The following RIMS1 variants were observed in gnomAD, a reference collection of about 807,000 sequenced individuals.
RIMS1 encodes the protein regulating synaptic membrane exocytosis 1, also known as regulating synaptic membrane exocytosis protein 1.
RIMS1 carries 83 observed loss-of-function variants against 214.1 expected under a neutral mutation model. That is an observed-to-expected ratio of 0.39 (90% CI 0.32 to 0.47). The LOEUF is 0.47. RIMS1 is among the 20% of genes least tolerant of loss of function. The pLI, the probability that RIMS1 is intolerant of heterozygous loss-of-function variation, is 0.99. For missense variants in RIMS1, 2,050 were observed against 2,161.8 expected, an observed-to-expected ratio of 0.95 and a Z score of 1.03; for synonymous variants, 793 against 786.8, an observed-to-expected ratio of 1.01 and a Z score of -0.13.
intron 2 of RIMS1, among the ~76,000 whole-genome samples, chr6:72,031,954 GT>G (rs1818235261): frequency 6.6e-6 from 1 of 152,076 alleles, no homozygotes; most frequent in African/African-American, 2.4e-5. Flanking sequence ...CATAAGCAAG[GT>G]TTTATAATAT....
At position 72,250,952 on chromosome 6, in the gene RIMS1, A is replaced by G; in HGVS notation, c.2404A>G (p.Lys802Glu). The G allele has an allele frequency of 6.5e-7, 1 of 1,534,360 alleles. No homozygotes were observed. The highest frequency in any genetic ancestry group is 8.8e-7 in the Non-Finnish European group (1 of 1,140,488). The change falls in exon 14 of 34, where the codon AAG (lysine) becomes GAG (glutamate). Residue 802 changes from lysine (K) to glutamate (E), a missense_variant. Coordinates refer to ENST00000521978, the MANE Select transcript of RIMS1 (RefSeq NM_014989.7). Reference protein sequence around the residue: ...DKSKRRTKTVKKILEPKWNQT... With the variant: ...DKSKRRTKTVEKILEPKWNQT... ...AAGTAAAAGGAGGACCAAAACAGTA[A>G]AGAAAATACTAGAACCAAAATGGAA...
chr6:72,157,827 A>T (rs1228212817), intron 4 of RIMS1, among the ~76,000 whole-genome samples: 1 of 140,142 alleles, frequency 7.1e-6, no homozygotes, highest in African/African-American at 2.5e-5. Flanking sequence ...TTCCCATTTT[A>T]TTACTTCTTT....
chr6:72,173,219 T>C (rs922662724), intron 4 of RIMS1, among the ~76,000 whole-genome samples: 1 of 152,154 alleles, frequency 6.6e-6, no homozygotes, highest in Non-Finnish European at 1.5e-5. Flanking sequence ...TATTTCCTAT[T>C]CCTTTCTCTA....
chr6:72,363,557 A>G (rs1425411888), intron 29 of RIMS1, among the ~76,000 whole-genome samples: 3 of 152,320 alleles, frequency 2.0e-5, no homozygotes, highest in South Asian at 2.1e-4. Context: ...ATATATAAAG[A>G]CAAGTTAATT....
chr6:71,915,577 G>A (rs1290095146), intron 1 of RIMS1, among the ~76,000 whole-genome samples: 1 of 152,106 alleles, frequency 6.6e-6, no homozygotes, highest in East Asian at 1.9e-4. Flanking sequence ...TACTAAGAAT[G>A]TCAGGGAGAT....
chr6:72,109,347 T>A (rs2035514701), intron 4 of RIMS1, among the ~76,000 whole-genome samples: 1 of 150,552 alleles, frequency 6.6e-6, no homozygotes, highest in African/African-American at 2.4e-5. Flanking sequence ...TTTCTCCACC[T>A]CCTCTCCAGC....
At chr6:72,092,291 C>CCTTCCTT (rs1554220984) in intron 2 of RIMS1, among the ~76,000 whole-genome samples, 7 of 108,006 alleles carry the variant, frequency 6.5e-5, no homozygotes, top group Non-Finnish European at 1.0e-4. Context: ...CTCCCTCCCT[C>CCTTCCTT]CCTTCCTTCC....
intron 4 of RIMS1, among the ~76,000 whole-genome samples, chr6:72,118,604 C>G (rs550558213): frequency 2.2e-4 from 33 of 151,796 alleles, no homozygotes; most frequent in African/African-American, 7.7e-4. Flanking sequence ...AATCCAACAG[C>G]ATATCAAAAA....
chr6:72,199,559 C>T (rs1267817284), intron 6 of RIMS1, among the ~76,000 whole-genome samples: 1 of 151,862 alleles, frequency 6.6e-6, no homozygotes, highest in Non-Finnish European at 1.5e-5. Context: ...AAAGGTAAAA[C>T]TGACAGATAT....
At chr6:72,247,853 A>AT (rs948323730) in intron 11 of RIMS1, among the ~76,000 whole-genome samples, 162 bp from the exon 12 acceptor site, 1 of 152,156 alleles carries the variant, frequency 6.6e-6, no homozygotes. Flanking sequence ...CATTCTTAAT[A>AT]TTTTTTAAAT....
intron 26 of RIMS1, among the ~76,000 whole-genome samples, chr6:72,306,867 G>T (rs1291824776): frequency 6.6e-6 from 1 of 152,192 alleles, no homozygotes; most frequent in East Asian, 1.9e-4. Context: ...TGTGCATATA[G>T]TGCGATGTGC....
At chr6:72,355,762 A>T (rs1008114065) in intron 29 of RIMS1, among the ~76,000 whole-genome samples, 1 of 152,118 alleles carries the variant, frequency 6.6e-6, no homozygotes, top group Admixed American at 6.5e-5. Context: ...TGAGCTCCCT[A>T]TGAAGTCTTC....
chr6:72,286,146 G>A (rs375535269), intron 24 of RIMS1, among the ~76,000 whole-genome samples: 10 of 151,326 alleles, frequency 6.6e-5, no homozygotes, highest in East Asian at 5.9e-4. Flanking sequence ...GCGGTGAGCC[G>A]AGATTGCGCC....
At chr6:72,262,608 T>C (rs1171753105) in intron 19 of RIMS1, 1 of 942,576 alleles carries the variant, frequency 1.1e-6, no homozygotes, top group Non-Finnish European at 1.3e-6. Flanking sequence ...TATGTATATA[T>C]AATCTCTTCT....
intron 28 of RIMS1, among the ~76,000 whole-genome samples, chr6:72,320,072 T>C (rs1039963315): frequency 6.6e-6 from 1 of 152,118 alleles, no homozygotes; most frequent in Non-Finnish European, 1.5e-5. Flanking sequence ...AAAATTCGAA[T>C]TTTGATTACT....
chr6:71,953,636 C>G (rs780253101), intron 1 of RIMS1, among the ~76,000 whole-genome samples: 1 of 152,172 alleles, frequency 6.6e-6, no homozygotes, highest in Non-Finnish European at 1.5e-5. Flanking sequence ...ACTGTACTTT[C>G]CCTTTCAGAA....
chr6:72,063,667 G>T (rs1252952560), intron 2 of RIMS1, among the ~76,000 whole-genome samples: 1 of 152,184 alleles, frequency 6.6e-6, no homozygotes, highest in African/African-American at 2.4e-5. Flanking sequence ...TTCTAGGCAG[G>T]TGATTCACAT....
intron 4 of RIMS1, among the ~76,000 whole-genome samples, chr6:72,164,096 G>A (rs1041603973): frequency 8.5e-5 from 13 of 152,122 alleles, no homozygotes; most frequent in East Asian, 5.8e-4. Context: ...AATGGTGGGC[G>A]CCCCTCCCCC....
intron 2 of RIMS1, among the ~76,000 whole-genome samples, chr6:71,984,110 A>G (rs541466670): frequency 6.6e-6 from 1 of 152,342 alleles, no homozygotes; most frequent in African/African-American, 2.4e-5. Flanking sequence ...TTCAATAGCT[A>G]TAACCAGAAT....
Sources: allele counts gnomAD v4.1 joint callset (sites outside exome capture counted in the v4.1 genomes callset), GRCh38; gene constraint gnomAD v4.1.1; transcripts MANE v1.5; gene names NCBI Gene and HGNC (gene_info 2026-07-23, HGNC 2026-07-21).